KLF12: variants seen among roughly 807,000 people sequenced by gnomAD.
KLF12 encodes Krueppel-like factor 12.
In KLF12, 9 loss-of-function variants were observed where a neutral mutation model predicts 37.8. That is an observed-to-expected ratio of 0.24 (90% CI 0.14 to 0.42). The LOEUF (loss-of-function observed/expected upper bound fraction) is 0.42, where lower values mean the gene tolerates loss of function less well. KLF12 is among the 10% of genes least tolerant of loss of function. The pLI, the probability that KLF12 is intolerant of heterozygous loss-of-function variation, is 1.00. For missense variants in KLF12, 411 were observed against 516.0 expected, an observed-to-expected ratio of 0.80 and a Z score of 1.97; for synonymous variants, 208 against 202.1, an observed-to-expected ratio of 1.03 and a Z score of -0.25.
At chr13:73,884,491 C>T (rs1186691782) in intron 3 of KLF12, among the ~76,000 whole-genome samples, 7 of 152,220 alleles carry the variant, frequency 4.6e-5, no homozygotes, top group African/African-American at 7.2e-5. Flanking sequence ...CCAATGCCAT[C>T]GAGGGCCCTG....
chr13:74,251,923 C>T, the KLF12 span, among the ~76,000 whole-genome samples: 1 of 152,128 alleles, frequency 6.6e-6, no homozygotes, highest in Non-Finnish European at 1.5e-5. Flanking sequence ...AGGGTCAGAG[C>T]TTCTAATTCT....
chr13:73,740,442 G>A (rs1442581245), intron 6 of KLF12, among the ~76,000 whole-genome samples: 2 of 152,194 alleles, frequency 1.3e-5, no homozygotes, highest in African/African-American at 4.8e-5. Flanking sequence ...AAGACACAGG[G>A]TAAACCTGCT....
chr13:73,701,492 T>C (rs1358408122), intron 7 of KLF12, among the ~76,000 whole-genome samples: 2 of 152,218 alleles, frequency 1.3e-5, no homozygotes, highest in African/African-American at 4.8e-5. Context: ...TTTAAAAATG[T>C]GTTTTATGTT....
chr13:73,990,738 T>C (rs921337881), intron 2 of KLF12, among the ~76,000 whole-genome samples: 1 of 152,136 alleles, frequency 6.6e-6, no homozygotes, highest in Admixed American at 6.5e-5. Context: ...ATCATTTTGG[T>C]AAAAGGATAT....
intron 1 of KLF12, among the ~76,000 whole-genome samples, chr13:74,009,056 C>T (rs553189578): frequency 5.3e-5 from 8 of 152,360 alleles, no homozygotes; most frequent in South Asian, 4.1e-4. Context: ...TTCTCCAAAG[C>T]TGGCCGAGGA....
At chr13:73,757,335 G>A (rs567397299) in intron 6 of KLF12, among the ~76,000 whole-genome samples, 108 of 152,134 alleles carry the variant, frequency 7.1e-4, no homozygotes, top group African/African-American at 2.4e-3. Flanking sequence ...TTATAAATAC[G>A]TTGCACGCTA....
chr13:73,868,329 G>GGC (rs1555317367), intron 3 of KLF12, among the ~76,000 whole-genome samples: 2 of 84,160 alleles, frequency 2.4e-5, no homozygotes, highest in Non-Finnish European at 4.9e-5. Flanking sequence ...GGGGGCGGTG[G>GGC]GGGGGGGGGG....
intron 2 of KLF12, among the ~76,000 whole-genome samples, chr13:73,954,141 G>T (rs1890751494): frequency 6.6e-6 from 1 of 151,788 alleles, no homozygotes; most frequent in African/African-American, 2.4e-5. Flanking sequence ...ACCACGCCTG[G>T]CTAATTTTTT....
chr13:74,126,742 C>G (rs542050697), intron 1 of KLF12, among the ~76,000 whole-genome samples: 43 of 152,160 alleles, frequency 2.8e-4, no homozygotes, highest in African/African-American at 1.0e-3. Flanking sequence ...ACACAAACAG[C>G]CCAAAAAAGG....
At chr13:74,287,393 AG>A in the KLF12 span, among the ~76,000 whole-genome samples, 2 of 149,526 alleles carry the variant, frequency 1.3e-5, no homozygotes, top group Non-Finnish European at 3.0e-5. Flanking sequence ...AGAGAGAGAG[AG>A]AATCCACCTC....
chr13:73,871,199 TGCGGGGGAG>T (rs749671280), intron 3 of KLF12, among the ~76,000 whole-genome samples: 82 of 152,280 alleles, frequency 5.4e-4, no homozygotes, highest in Non-Finnish European at 9.4e-4. Context: ...GTTACTAGTC[TGCGGGGGAG>T]GCAGTTGTGT....
At chr13:74,086,292 C>A (rs2138790240) in intron 1 of KLF12, among the ~76,000 whole-genome samples, 1 of 138,822 alleles carries the variant, frequency 7.2e-6, no homozygotes, top group South Asian at 2.4e-4. Context: ...CAACAGTCCC[C>A]AGAGTGTGAT....
At chr13:74,141,443 G>A in the KLF12 span, among the ~76,000 whole-genome samples, 4 of 152,120 alleles carry the variant, frequency 2.6e-5, no homozygotes, top group Middle Eastern at 3.2e-3. Context: ...AAACAAGGGA[G>A]GGAGGGAGAT....
rs1035216942 is a variant in KLF12, at chr13:73,691,260, T to C, written c.*4230A>G. On this transcript the variant is annotated 3_prime_UTR_variant, in exon 8 of 8. Transcript: ENST00000377669. ...GGCAGTGTGGGGATGAGTAGAAATGTCATATGGAAGACATGACTTACCAAA... is the reference window on the plus strand; with the variant it reads ...GGCAGTGTGGGGATGAGTAGAAATGCCATATGGAAGACATGACTTACCAAA... 3 of 152,614 alleles carry C rather than the reference T, an allele frequency of 2.0e-5. No individual in the cohort carries two copies. Among genetic ancestry groups the C allele is most frequent in the African/African-American group, 7.2e-5 (3 of 41,450 alleles). The allele number at this position is 152,614 out of a possible 1,614,324, so 9.5% of individuals were successfully genotyped here. A position where few individuals can be genotyped will look rare whatever the true frequency, so the allele number is the denominator to read the frequency against.
chr13:74,207,597 C>T, the KLF12 span, among the ~76,000 whole-genome samples: 1 of 152,156 alleles, frequency 6.6e-6, no homozygotes, highest in African/African-American at 2.4e-5. Flanking sequence ...ATTGCTTGAA[C>T]TCAGGAGGTG....
chr13:73,916,246 C>CACACACACACACAT (rs1491519733), intron 3 of KLF12, among the ~76,000 whole-genome samples: 1 of 32,990 alleles, frequency 3.0e-5, no homozygotes, highest in African/African-American at 8.5e-5. Flanking sequence ...CACACGCACA[C>CACACACACACACAT]GCACACACAC....
chr13:74,125,450 A>T (rs1157499280), intron 1 of KLF12, among the ~76,000 whole-genome samples: 1 of 152,068 alleles, frequency 6.6e-6, no homozygotes, highest in Non-Finnish European at 1.5e-5. Context: ...TGTGCTACCC[A>T]TTTTCATATA....
At chr13:73,860,398 A>G (rs1885857132) in intron 3 of KLF12, among the ~76,000 whole-genome samples, 1 of 152,118 alleles carries the variant, frequency 6.6e-6, no homozygotes, top group East Asian at 1.9e-4. Context: ...CTCATTAGTA[A>G]AGCTCCAGTT....
chr13:74,009,372 T>C (rs973775971), intron 1 of KLF12, among the ~76,000 whole-genome samples: 2 of 152,226 alleles, frequency 1.3e-5, no homozygotes, highest in African/African-American at 4.8e-5. Context: ...ACGGTAACCT[T>C]GTGAAGAAAG....
Sources: gnomAD v4.1 joint callset for allele counts (sites outside exome capture counted in the v4.1 genomes callset) on GRCh38, gnomAD v4.1.1 for gene constraint, MANE v1.5 for transcripts, NCBI Gene and HGNC (gene_info 2026-07-23, HGNC 2026-07-21) for gene names.